AXDND1: variants seen among roughly 807,000 people sequenced by gnomAD.
AXDND1 encodes the protein axonemal dynein light chain domain containing 1, also known as axonemal dynein light chain domain-containing protein 1.
A neutral mutation model predicts 137.5 loss-of-function variants in AXDND1; 110 were observed. The ratio of observed to expected loss-of-function variants is 0.80; its 90% CI spans 0.69 to 0.94. The LOEUF (loss-of-function observed/expected upper bound fraction) is 0.94. Among genes scored for constraint, AXDND1 ranks in the 40% least tolerant of loss-of-function variants. The pLI is 0.00. For synonymous variants in AXDND1, 414 were observed against 399.7 expected, an observed-to-expected ratio of 1.04 and a Z score of -0.43; for missense variants, 1,191 against 1,169.8, an observed-to-expected ratio of 1.02 and a Z score of -0.26.
chr1:179,396,394 A>T (rs1651070514), intron 11 of AXDND1, among the ~76,000 whole-genome samples: 1 of 152,118 alleles, frequency 6.6e-6, no homozygotes, highest in Admixed American at 6.5e-5. Context: ...TCACGCCTGT[A>T]ATCTCAGCAC....
intron 15 of AXDND1, among the ~76,000 whole-genome samples, chr1:179,442,183 C>T (rs765986022): frequency 6.6e-6 from 1 of 152,126 alleles, no homozygotes; most frequent in Non-Finnish European, 1.5e-5. Flanking sequence ...TGCTACCAAA[C>T]GAGGCCGTAC....
chr1:179,506,361 C>G (rs552893279), intron 20 of AXDND1, among the ~76,000 whole-genome samples: 11 of 152,254 alleles, frequency 7.2e-5, no homozygotes, highest in African/African-American at 2.2e-4. Context: ...GGGAAATATA[C>G]CAAATAAATA....
intron 9 of AXDND1, among the ~76,000 whole-genome samples, chr1:179,390,664 T>C (rs1053934596): frequency 1.2e-4 from 14 of 112,778 alleles, no homozygotes; most frequent in Admixed American, 3.1e-4. Context: ...GTCTAACATA[T>C]GATATTCCAA....
At chr1:179,464,934 G>A (rs1358335630) in intron 16 of AXDND1, among the ~76,000 whole-genome samples, 13 of 152,056 alleles carry the variant, frequency 8.5e-5, no homozygotes, top group African/African-American at 2.9e-4. Context: ...CATGCATCAC[G>A]TAGTTCTTAT....
intron 24 of AXDND1, 93 bp downstream of exon 24, chr1:179,533,970 C>A: frequency 9.7e-7 from 1 of 1,027,948 alleles, no homozygotes; most frequent in Non-Finnish European, 1.5e-6. Context: ...CCCTTTGGCT[C>A]TCCTGCTTTC....
chr1:179,443,153 G>A (rs1050477751), intron 15 of AXDND1, among the ~76,000 whole-genome samples: 2 of 152,196 alleles, frequency 1.3e-5, no homozygotes, highest in Non-Finnish European at 2.9e-5. Flanking sequence ...TTTGGTGGCA[G>A]GCGCAGTGTG....
At position 179,366,545 on chromosome 1, in the gene AXDND1, C is replaced by T; in HGVS notation, c.36C>T (p.Asn12=). 1.9e-6 allele frequency: 3 copies of T among 1,613,798 alleles called. No individual in the cohort carries two copies. The highest frequency in any genetic ancestry group is 1.7e-4 in the Middle Eastern group (1 of 6,060). ...CGAAAACGCCCTCCACCCCGCTAAA[C>T]TCTACATCAACATCTGAGAGCAAAA... is the stretch of plus-strand genomic sequence containing the variant. The part of the protein sequence containing the change: ...SLPKTPSTPL[N]STSTSESKKL... Residue 12 remains asparagine (N), a synonymous_variant, in exon 2 of 26, where the codon AAC becomes AAT. Transcript: ENST00000367618.
intron 10 of AXDND1, 24 bp downstream of exon 10, chr1:179,394,067 C>A: frequency 6.4e-7 from 1 of 1,564,404 alleles, no homozygotes; most frequent in Non-Finnish European, 8.6e-7. Flanking sequence ...TTATCTTAAA[C>A]ACAAAACAAA....
chr1:179,413,924 A>C (rs190606893), intron 12 of AXDND1, among the ~76,000 whole-genome samples: 1 of 151,928 alleles, frequency 6.6e-6, no homozygotes, highest in Non-Finnish European at 1.5e-5. Context: ...TTACTTTTTA[A>C]TAATAGCCGT....
rs1313366718 is a variant in AXDND1 at position 179,523,270 on chromosome 1, C to T, written c.2497-2064C>T. ...TTTTTTTTTTTTGAGGCAGCAATTTCCTATTTATTTATTTTAATTGACAAA... is the reference window on the plus strand; with the variant it reads ...TTTTTTTTTTTTGAGGCAGCAATTTTCTATTTATTTATTTTAATTGACAAA... On this transcript the variant is annotated intron_variant, in intron 21 of 25. Coordinates refer to ENST00000367618, the MANE Select transcript of AXDND1 (RefSeq NM_144696.6). Among the ~76,000 whole-genome samples, 7 of 145,906 alleles carry T rather than the reference C, an allele frequency of 4.8e-5. No homozygotes were observed. In the South Asian group the frequency reaches 1.1e-3, roughly 22 times the overall value.
chr1:179,488,664 TTTCTTTCTTTCTTTC>T, intron 18 of AXDND1, among the ~76,000 whole-genome samples: 1 of 136,402 alleles, frequency 7.3e-6, no homozygotes, highest in Non-Finnish European at 1.5e-5. Flanking sequence ...TCTTTCTTTC[TTTCTTTCTTTCTTTC>T]TTTCTTTCTT....
intron 21 of AXDND1, among the ~76,000 whole-genome samples, chr1:179,522,209 A>AT (rs946165650): frequency 4.6e-5 from 7 of 151,892 alleles, no homozygotes; most frequent in Non-Finnish European, 1.0e-4. Flanking sequence ...ATCCTGAATA[A>AT]TTTTTCTGGC....
chr1:179,418,425 A>G (rs1298404772), intron 12 of AXDND1, among the ~76,000 whole-genome samples: 8 of 152,198 alleles, frequency 5.3e-5, no homozygotes, highest in African/African-American at 7.2e-5. Flanking sequence ...CGATTTCTCA[A>G]TCTTTTCCCC....
intron 18 of AXDND1, among the ~76,000 whole-genome samples, chr1:179,488,691 CTTT>C (rs1666464791): frequency 8.6e-6 from 1 of 115,674 alleles, no homozygotes; most frequent in Non-Finnish European, 1.7e-5. Context: ...TTCTTTCTTT[CTTT>C]CTTTCCTCTC....
chr1:179,476,546 A>G (rs979675950), intron 17 of AXDND1, among the ~76,000 whole-genome samples: 8 of 121,542 alleles, frequency 6.6e-5, no homozygotes, highest in African/African-American at 2.3e-4. Context: ...TACTAGCAAC[A>G]AATTCTTCGG....
intron 25 of AXDND1, among the ~76,000 whole-genome samples, chr1:179,535,860 T>C (rs1465156479): frequency 2.0e-5 from 3 of 152,216 alleles, no homozygotes; most frequent in African/African-American, 7.2e-5. Flanking sequence ...AGTGTTCCTA[T>C]TTCTCCACAT....
intron 16 of AXDND1, chr1:179,448,046 T>C: frequency 7.8e-7 from 1 of 1,276,686 alleles, no homozygotes; most frequent in Non-Finnish European, 1.1e-6. Context: ...ATTGAAAAAT[T>C]CTGAGGTGGC....
intron 20 of AXDND1, among the ~76,000 whole-genome samples, chr1:179,500,637 AGCC>A (rs1667904785): frequency 6.6e-6 from 1 of 152,090 alleles, no homozygotes; most frequent in African/African-American, 2.4e-5. Context: ...CCAATACAGT[AGCC>A]ACTAGCCACA....
At chr1:179,426,057 A>C (rs1325255757) in intron 12 of AXDND1, among the ~76,000 whole-genome samples, 1 of 151,998 alleles carries the variant, frequency 6.6e-6, no homozygotes, top group Admixed American at 6.6e-5. Context: ...GGCTGGTCTC[A>C]AACTCCCGAC....
Sources: gnomAD v4.1 joint callset for allele counts (sites outside exome capture counted in the v4.1 genomes callset) on GRCh38, gnomAD v4.1.1 for gene constraint, MANE v1.5 for transcripts, NCBI Gene and HGNC (gene_info 2026-07-23, HGNC 2026-07-21) for gene names.